Variants in DSCAML1 observed in about 807,000 individuals in gnomAD.
The protein encoded by DSCAML1 is DS cell adhesion molecule like 1, also known as cell adhesion molecule DSCAML1.
DSCAML1 carries 38 observed loss-of-function variants against 200.5 expected under a neutral mutation model. The observed-to-expected ratio is 0.19, with a 90% CI of 0.15 to 0.25. The LOEUF (loss-of-function observed/expected upper bound fraction) is 0.25. Ranked by LOEUF, DSCAML1 falls within the 10% of genes least tolerant of loss-of-function variation. The pLI is 1.00. For missense variants in DSCAML1, 2,223 were observed against 2,858.8 expected (o/e 0.78, Z 5.07); for synonymous variants, 1,215 against 1,165.0 (o/e 1.04, Z -0.87).
chr11:117,797,292 G>C (rs1388331468), upstream of DSCAML1: 1 of 1,322,678 alleles, frequency 7.6e-7, no homozygotes, highest in East Asian at 3.2e-5. Flanking sequence ...CGCTCTCCCC[G>C]CCCCCCCGCG....
At chr11:117,479,360 G>A (rs1006990137) in intron 14 of DSCAML1, among the ~76,000 whole-genome samples, 4 of 152,248 alleles carry the variant, frequency 2.6e-5, no homozygotes, top group African/African-American at 4.8e-5. Context: ...TTTATTTATA[G>A]TTTAATTTGT....
chr11:117,682,098 C>A (rs1228090613), intron 3 of DSCAML1, among the ~76,000 whole-genome samples: 1 of 152,170 alleles, frequency 6.6e-6, no homozygotes, highest in East Asian at 1.9e-4. Flanking sequence ...ATGGTTGTCA[C>A]AAAGATGCCT....
intron 3 of DSCAML1, among the ~76,000 whole-genome samples, chr11:117,744,834 G>T (rs1012300966): frequency 6.6e-5 from 10 of 152,238 alleles, no homozygotes; most frequent in African/African-American, 2.4e-4. Context: ...CAGGCAAAGG[G>T]GAAGGAAGTC....
At chr11:117,615,765 C>T (rs2051798909) in intron 3 of DSCAML1, among the ~76,000 whole-genome samples, 1 of 152,156 alleles carries the variant, frequency 6.6e-6, no homozygotes, top group Non-Finnish European at 1.5e-5. Flanking sequence ...AATGCACTTT[C>T]CCACATGTGA....
intron 11 of DSCAML1, among the ~76,000 whole-genome samples, chr11:117,490,947 C>T (rs140044894): frequency 2.0e-5 from 3 of 152,276 alleles, no homozygotes; most frequent in East Asian, 1.9e-4. Flanking sequence ...CTGGGGAGAA[C>T]GGTGAGTCTG....
intron 3 of DSCAML1, among the ~76,000 whole-genome samples, chr11:117,605,915 C>T (rs192689271): frequency 2.6e-5 from 4 of 152,204 alleles, no homozygotes; most frequent in Admixed American, 2.6e-4. Context: ...AACCCTAACC[C>T]CCTGGATGGG....
chr11:117,754,569 G>A (rs898888130), intron 3 of DSCAML1, among the ~76,000 whole-genome samples: 1 of 152,060 alleles, frequency 6.6e-6, no homozygotes, highest in Admixed American at 6.5e-5. Context: ...CAGGCCATGA[G>A]GGATCCTTCT....
intron 8 of DSCAML1, among the ~76,000 whole-genome samples, chr11:117,510,769 C>T (rs777663077): frequency 3.9e-5 from 6 of 152,156 alleles, no homozygotes; most frequent in Non-Finnish European, 5.9e-5. Flanking sequence ...GAATGACATT[C>T]GTGGTCATTA....
chr11:117,449,456 T>C (rs1431098641), intron 20 of DSCAML1, among the ~76,000 whole-genome samples: 1 of 151,908 alleles, frequency 6.6e-6, no homozygotes, highest in Non-Finnish European at 1.5e-5. Flanking sequence ...ACTCAGAGGG[T>C]AATTCAGAAA....
At position 117,623,864 on chromosome 11, in the gene DSCAML1, T is replaced by TA. The variant is rs200605304; in HGVS notation, c.512-91343dup. On this transcript the variant is annotated intron_variant, in intron 3 of 32. Transcript: ENST00000651296. ...CAAGTCTTCTGACACTGAGACCAGT[T>TA]AGGTACTTCCATCACAGAATGCTGA... 4.7e-3 allele frequency among the ~76,000 whole-genome samples: 715 copies of TA among 152,300 alleles called. 6 individuals carry two copies. Among genetic ancestry groups the TA allele is most frequent in the African/African-American group, 0.016 (681 of 41,558 alleles).
chr11:117,674,817 G>A (rs1004683833), intron 3 of DSCAML1, among the ~76,000 whole-genome samples: 1 of 152,220 alleles, frequency 6.6e-6, no homozygotes, highest in Non-Finnish European at 1.5e-5. Context: ...GGGTGACTTT[G>A]GGCAAATCAG....
chr11:117,555,020 C>G (rs2050535754), intron 3 of DSCAML1, among the ~76,000 whole-genome samples: 1 of 152,314 alleles, frequency 6.6e-6, no homozygotes. Flanking sequence ...CTGTAGACCC[C>G]ACACTCTGTG....
rs111271757 is a variant in DSCAML1, at chr11:117,640,107, C to T, written c.512-107585G>A. On this transcript the variant is annotated intron_variant, in intron 3 of 32. Coordinates refer to ENST00000651296, the MANE Select transcript of DSCAML1 (RefSeq NM_020693.4). ...CCCGTCTTGTTCTGCAGTGACAGTT[C>T]CCAAATACACAGCAAAGCCCCAGCT... Among the ~76,000 whole-genome samples the T allele has an allele frequency of 4.2e-3, 646 of 152,246 alleles. 4 individuals are homozygous for T. Among genetic ancestry groups the T allele is most frequent in the South Asian group, 0.014 (68 of 4,816 alleles).
At chr11:117,655,087 T>A (rs1271306818) in intron 3 of DSCAML1, among the ~76,000 whole-genome samples, 1 of 152,240 alleles carries the variant, frequency 6.6e-6, no homozygotes. Context: ...AGCCATGGCG[T>A]GAGCCTTGCA....
intron 3 of DSCAML1, among the ~76,000 whole-genome samples, chr11:117,645,170 A>T (rs78943345): frequency 0.018 from 2,746 of 152,310 alleles, 85 homozygotes; most frequent in African/African-American, 0.062. Context: ...CCAGGCAAGG[A>T]TATCTGTAGA....
rs2047777306 is a variant in DSCAML1, at chr11:117,430,980, C to T, written c.5428G>A (p.Glu1810Lys). Residue 1810 changes from glutamate (E) to lysine (K), a missense_variant, in exon 32 of 33, where the codon GAG (glutamate) becomes AAG (lysine). Glu to Lys is a moderately conservative substitution (Grantham distance 56, BLOSUM62 1). This residue lies in a region of DSCAML1 where 96 missense variants were observed against 160.7 expected (regional missense o/e 0.60). Transcript: ENST00000651296. ...GCATGCTCATAGGCCCGGGCCAGCT[C>T]CTCGTAGGTGGAAGAGGCACTCTCA... Reference protein sequence around the residue: ...STESASSTYEELARAYEHAKL... With the variant: ...STESASSTYEKLARAYEHAKL... 6.2e-7 allele frequency: 1 copy of T among 1,614,004 alleles called. No homozygotes were observed. The highest frequency in any genetic ancestry group is 8.5e-7 in the Non-Finnish European group (1 of 1,180,032).
chr11:117,671,386 T>A (rs1362381655), intron 3 of DSCAML1, among the ~76,000 whole-genome samples: 1 of 152,204 alleles, frequency 6.6e-6, no homozygotes. Context: ...AGTCCATGTT[T>A]ACATCTCGGG....
rs187578808 is a variant in DSCAML1, at chr11:117,743,583, C to T, written c.511+33208G>A. Among the ~76,000 whole-genome samples the T allele has an allele frequency of 2.0e-3, 305 of 152,282 alleles. 1 individual carries two copies. The highest frequency in any genetic ancestry group is 6.1e-3 in the Admixed American group (94 of 15,306). ...CCTCAGCTCCCGCTGTCTGGCGTAACCACCCTCTGGGCTCCAGGCCCAGTT... is the reference window on the plus strand; with the variant it reads ...CCTCAGCTCCCGCTGTCTGGCGTAATCACCCTCTGGGCTCCAGGCCCAGTT... On this transcript the variant is annotated intron_variant, in intron 3 of 32. Coordinates refer to ENST00000651296, the MANE Select transcript of DSCAML1 (RefSeq NM_020693.4).
chr11:117,450,453 A>G, intron 20 of DSCAML1, 96 bp downstream of exon 20: 1 of 1,491,568 alleles, frequency 6.7e-7, no homozygotes, highest in Middle Eastern at 1.8e-4. Flanking sequence ...GCTCAGATAC[A>G]GGCAGCCTCA....
Sources: allele counts gnomAD v4.1 joint callset (sites outside exome capture counted in the v4.1 genomes callset), GRCh38; gene constraint gnomAD v4.1.1; regional missense constraint gnomAD v4.1.1; transcripts MANE v1.5; gene names NCBI Gene and HGNC (gene_info 2026-07-23, HGNC 2026-07-21).